TAF8: variants seen among roughly 807,000 people sequenced by gnomAD.
The protein encoded by TAF8 is transcription initiation factor TFIID subunit 8.
A neutral mutation model predicts 36.5 loss-of-function variants in TAF8; 47 were observed. That is an observed-to-expected ratio of 1.29 (90% CI 1.02 to 1.64). TAF8 has a LOEUF of 1.64. TAF8 is among the 40% of genes most tolerant of loss of function. The pLI is 0.00. For synonymous variants in TAF8, 175 were observed against 159.5 expected (o/e 1.10, Z -0.73); for missense variants, 420 against 407.6 (o/e 1.03, Z -0.26).
At chr6:42,053,831 T>C (rs1764884721) in intron 2 of TAF8, among the ~76,000 whole-genome samples, 1 of 152,182 alleles carries the variant, frequency 6.6e-6, no homozygotes, top group Admixed American at 6.5e-5. Flanking sequence ...AAGGAATGAA[T>C]TAATAGTTCC....
intron 7 of TAF8, among the ~76,000 whole-genome samples, chr6:42,072,184 C>G (rs1171590711): frequency 6.6e-6 from 1 of 152,190 alleles, no homozygotes; most frequent in Non-Finnish European, 1.5e-5. Context: ...TGTGGCAGCT[C>G]CTAGCACACA....
rs1489646376 is a variant in TAF8 at position 42,066,463 on chromosome 6, A to G, written c.637+4A>G. 2 of 1,613,944 alleles carry G rather than the reference A, an allele frequency of 1.2e-6. No individual in the cohort carries two copies. Among genetic ancestry groups the G allele is most frequent in the South Asian group, 1.1e-5 (1 of 91,092 alleles). On this transcript the variant is annotated splice_donor_region_variant and intron_variant, in intron 6 of 8. Transcript: ENST00000372977. ...GATGACGTCAGCACATTTCCATGTG[A>G]GAGTTGCCCCACTGTGTGGACCCTG...
intron 7 of TAF8, among the ~76,000 whole-genome samples, chr6:42,070,621 A>G (rs898697061): frequency 3.3e-5 from 5 of 152,234 alleles, no homozygotes; most frequent in Non-Finnish European, 4.4e-5. Context: ...ATTGGCACAG[A>G]AAGTCGTGTG....
intron 6 of TAF8, among the ~76,000 whole-genome samples, chr6:42,067,621 G>A (rs1471957832): frequency 1.3e-5 from 2 of 152,092 alleles, no homozygotes; most frequent in South Asian, 2.1e-4. Flanking sequence ...CCAGTCTTGA[G>A]TACAGTGGCA....
chr6:42,057,311 G>T, intron 4 of TAF8, 78 bp from the exon 5 acceptor site: 8 of 1,578,382 alleles, frequency 5.1e-6, no homozygotes, highest in Non-Finnish European at 6.9e-6. Flanking sequence ...TTGAGAAAAG[G>T]AGGCTTTGGG....
intron 6 of TAF8, among the ~76,000 whole-genome samples, chr6:42,066,675 T>C (rs1427551356): frequency 1.3e-5 from 2 of 152,156 alleles, no homozygotes; most frequent in Non-Finnish European, 2.9e-5. Context: ...ACTGGCTGCT[T>C]GAGGTCCATA....
At chr6:42,083,543 A>G (rs1765978402), downstream of TAF8, among the ~76,000 whole-genome samples, 1 of 152,140 alleles carries the variant, frequency 6.6e-6, no homozygotes, top group African/African-American at 2.4e-5. Context: ...TAGATAGAAC[A>G]CTGTGTCTTA....
Position 42,050,580 on chromosome 6 carries a change from C to G in TAF8, c.39C>G (p.Ser13=). Residue 13 remains serine (S), a synonymous_variant, in exon 1 of 9, where the codon TCC becomes TCG. Coordinates refer to ENST00000372977, the MANE Select transcript of TAF8 (RefSeq NM_138572.3). The part of the protein sequence containing the change: ...DAAATAGAGG[S]GTRSGSKQST... ...CGGCCACAGCTGGGGCCGGTGGCTC[C>G]GGAACGGTAAGGGCAGGAAGCGCGG... 1.1e-5 allele frequency: 17 copies of G among 1,556,568 alleles called. No homozygotes were observed. The highest frequency in any genetic ancestry group is 1.5e-5 in the Non-Finnish European group (17 of 1,150,680).
Position 42,079,201 on chromosome 6 carries a change from A to G in TAF8, c.*1656A>G. The G allele has an allele frequency of 9.1e-6, 9 of 985,598 alleles. No homozygotes were observed. The highest frequency in any genetic ancestry group is 1.1e-5 in the Non-Finnish European group (9 of 829,940). 61.1% of individuals were successfully genotyped at this position (985,598 alleles called of 1,614,324 possible). Reference sequence around the variant, plus strand: ...GGTGGGGTGTTGAGGGCTGGGCCTCATCTTGTATTCTGAAAGCTGAGAAAC... The same window carrying G: ...GGTGGGGTGTTGAGGGCTGGGCCTCGTCTTGTATTCTGAAAGCTGAGAAAC... On this transcript the variant is annotated 3_prime_UTR_variant, in exon 9 of 9. Coordinates refer to ENST00000372977, the MANE Select transcript of TAF8 (RefSeq NM_138572.3).
chr6:42,077,399 A>T, intron 8 of TAF8, 134 bp from the exon 9 acceptor site: 2 of 1,535,192 alleles, frequency 1.3e-6, no homozygotes, highest in Non-Finnish European at 1.8e-6. Context: ...GCTCCCGTAC[A>T]TAGCTCTTGT....
In TAF8 at chr6:42,080,241, C is replaced by G. The variant is rs1765881289; in HGVS notation, c.*2696C>G. ...GTTGTCCCAGTCAGTGTTTCTGCAGCTTCCATTTGTTGTTGTTATCCAGTG... is the reference window on the plus strand; with the variant it reads ...GTTGTCCCAGTCAGTGTTTCTGCAGGTTCCATTTGTTGTTGTTATCCAGTG... On this transcript the variant is annotated 3_prime_UTR_variant, in exon 9 of 9. Transcript: ENST00000372977. 2.0e-6 allele frequency: 2 copies of G among 985,498 alleles called. No homozygotes were observed. Among genetic ancestry groups the G allele is most frequent in the African/African-American group, 3.5e-5 (2 of 57,306 alleles). The allele number at this position is 985,498 out of a possible 1,614,324, so 61.0% of individuals were successfully genotyped here.
At chr6:42,066,901 G>A (rs555735424) in intron 6 of TAF8, among the ~76,000 whole-genome samples, 1 of 152,328 alleles carries the variant, frequency 6.6e-6, no homozygotes, top group East Asian at 1.9e-4. Context: ...AGTGAGGGAG[G>A]TTGGTTTGGG....
intron 5 of TAF8, chr6:42,063,896 C>T (rs894043414): frequency 1.3e-5 from 2 of 152,150 alleles, no homozygotes; most frequent in African/African-American, 4.8e-5. Context: ...GCTAGGACCA[C>T]AAGCACACGC....
At position 42,052,378 on chromosome 6, in the gene TAF8, G is replaced by A. The variant is rs544909143; in HGVS notation, c.202+865G>A. On this transcript the variant is annotated intron_variant, in intron 2 of 8. Transcript: ENST00000372977. The stretch of plus-strand genomic sequence containing the variant: ...ACTGTGTTGCCCAGGCTGGGGTGCA[G>A]TGGCACAATCTCAGCTCACTGCAGC... 6.7e-5 allele frequency among the ~76,000 whole-genome samples: 10 copies of A among 149,472 alleles called. No homozygotes were observed. The East Asian group carries it at 2.0e-3, about 30-fold the overall frequency.
At chr6:42,062,189 G>T (rs1293723727) in intron 5 of TAF8, among the ~76,000 whole-genome samples, 1 of 152,010 alleles carries the variant, frequency 6.6e-6, no homozygotes, top group Non-Finnish European at 1.5e-5. Context: ...GTTAAAGCTA[G>T]TTTTTTAAAT....
Position 42,080,177 on chromosome 6 carries a change from C to T in TAF8, c.*2632C>T, listed in dbSNP as rs147155480. 1.4e-3 allele frequency: 1,331 copies of T among 985,388 alleles called. 5 individuals carry two copies. Among genetic ancestry groups the T allele is most frequent in the Middle Eastern group, 0.011 (21 of 1,914 alleles). 61.0% of individuals were successfully genotyped at this position (985,388 alleles called of 1,614,324 possible). On this transcript the variant is annotated 3_prime_UTR_variant, in exon 9 of 9. Coordinates refer to ENST00000372977, the MANE Select transcript of TAF8 (RefSeq NM_138572.3). The stretch of plus-strand genomic sequence containing the variant: ...TATGAACACAGCCCCACATTCAAGC[C>T]GTGGCCAATCCCAGCTGTTCTCACT...
chr6:42,077,275 G>A (rs766275523), intron 8 of TAF8, 36 bp downstream of exon 8: 8 of 1,597,462 alleles, frequency 5.0e-6, no homozygotes, highest in South Asian at 1.1e-5. Context: ...AGCCTTCACT[G>A]TCCCACCGAG....
rs1765898743 is a variant in TAF8 at position 42,080,770 on chromosome 6, C to T, written c.*3225C>T. 1 of 982,814 alleles carries T rather than the reference C, an allele frequency of 1.0e-6. No individual in the cohort carries two copies. Among genetic ancestry groups the T allele is most frequent in the Non-Finnish European group, 1.2e-6 (1 of 827,658 alleles). The allele number at this position is 982,814 out of a possible 1,614,324, so 60.9% of individuals were successfully genotyped here. Reference sequence around the variant, plus strand: ...TGACCCTGTATAAAAATGCAAAATTCTCAATGTGTATTTATAAATTTCTAT... The same window carrying T: ...TGACCCTGTATAAAAATGCAAAATTTTCAATGTGTATTTATAAATTTCTAT... On this transcript the variant is annotated 3_prime_UTR_variant, in exon 9 of 9. Transcript: ENST00000372977.
rs1219808616 is a variant in TAF8 at position 42,080,539 on chromosome 6, AT to A, written c.*3002del. The A allele has an allele frequency of 1.5e-4, 71 of 486,204 alleles. No individual in the cohort carries two copies. Among genetic ancestry groups the A allele is most frequent in the South Asian group, 1.8e-4 (2 of 11,288 alleles). The allele number at this position is 486,204 out of a possible 1,614,324, so 30.1% of individuals were successfully genotyped here. On this transcript the variant is annotated 3_prime_UTR_variant, in exon 9 of 9. Coordinates refer to ENST00000372977, the MANE Select transcript of TAF8 (RefSeq NM_138572.3). ...AGGCACCTACCACAATTCTCGGCTA[AT>A]TTTTTTTGTATTTTTGGTAGAGACG...
Sources: allele counts gnomAD v4.1 joint callset (sites outside exome capture counted in the v4.1 genomes callset), GRCh38; gene constraint gnomAD v4.1.1; transcripts MANE v1.5; gene names NCBI Gene and HGNC (gene_info 2026-07-23, HGNC 2026-07-21).